ANTXR2: variants seen among roughly 807,000 people sequenced by gnomAD.
The protein encoded by ANTXR2 is ANTXR cell adhesion molecule 2.
ANTXR2 carries 44 observed loss-of-function variants against 73.7 expected under a neutral mutation model. The ratio of observed to expected loss-of-function variants is 0.60; its 90% CI spans 0.47 to 0.77. ANTXR2 has a LOEUF of 0.77. Ranked by LOEUF, ANTXR2 falls within the 30% of genes least tolerant of loss-of-function variation. The pLI is 0.00. For synonymous variants in ANTXR2, 217 were observed against 205.9 expected (o/e 1.05, Z -0.46); for missense variants, 604 against 592.5 (o/e 1.02, Z -0.20).
At chr4:79,937,114 T>C (rs1343818342) in intron 16 of ANTXR2, among the ~76,000 whole-genome samples, 3 of 152,130 alleles carry the variant, frequency 2.0e-5, no homozygotes, top group Admixed American at 6.5e-5. Flanking sequence ...ACTCATAAAC[T>C]TAATTAAGCT....
intron 3 of ANTXR2, 125 bp downstream of exon 3, chr4:80,069,311 G>C (rs2110125081): frequency 1.3e-6 from 1 of 747,146 alleles, no homozygotes; most frequent in East Asian, 2.7e-5. Flanking sequence ...TTCTATTAGA[G>C]AACTGAATTG....
In ANTXR2 at chr4:79,907,400, C is replaced by T. The variant is rs371259027; in HGVS notation, c.*29G>A. On this transcript the variant is annotated 3_prime_UTR_variant, in exon 17 of 17. Coordinates refer to ENST00000403729, the MANE Select transcript of ANTXR2 (RefSeq NM_058172.6). ...CAGCTATGTGAAAATGTGCCATCTTCGTACCTTCTTGGTCTTCCTGCTTCC... is the reference window on the plus strand; with the variant it reads ...CAGCTATGTGAAAATGTGCCATCTTTGTACCTTCTTGGTCTTCCTGCTTCC... The T allele has an allele frequency of 4.0e-5, 65 of 1,607,472 alleles. No individual in the cohort carries two copies. Among genetic ancestry groups the T allele is most frequent in the African/African-American group, 2.4e-4 (18 of 74,512 alleles).
intron 11 of ANTXR2, among the ~76,000 whole-genome samples, 200 bp from the exon 12 acceptor site, chr4:80,008,816 G>A (rs1216064099): frequency 6.6e-6 from 1 of 151,732 alleles, no homozygotes; most frequent in Non-Finnish European, 1.5e-5. Context: ...ATGTTATATT[G>A]TTGTGACAGG....
At chr4:79,908,162 G>A (rs958891411) in intron 16 of ANTXR2, among the ~76,000 whole-genome samples, 3 of 152,140 alleles carry the variant, frequency 2.0e-5, no homozygotes, top group Non-Finnish European at 4.4e-5. Context: ...TTTCCAATTA[G>A]TGATAAAAGA....
In ANTXR2 at chr4:79,976,164, G is replaced by C. The variant is rs529462493; in HGVS notation, c.1428+1457C>G. Among the ~76,000 whole-genome samples the C allele has an allele frequency of 2.0e-5, 3 of 151,864 alleles. No homozygotes were observed. In the South Asian group the frequency reaches 6.3e-4, roughly 32 times the overall value. ...CCTGACCTCGTGATCCGCCCGCCTC[G>C]GCTTCCCAAAGTGCTGGGATTACAG... On this transcript the variant is annotated intron_variant, in intron 16 of 16. Coordinates refer to ENST00000403729, the MANE Select transcript of ANTXR2 (RefSeq NM_058172.6).
rs544663727 is a variant in ANTXR2, at chr4:80,042,991, A to G, written c.637-6959T>C. On this transcript the variant is annotated intron_variant, in intron 7 of 16. Transcript: ENST00000403729. The stretch of plus-strand genomic sequence containing the variant: ...CCGTCTAGGCAAAATAGCTATTGGT[A>G]TACACAATACTATCTGTAAGACTTG... Among the ~76,000 whole-genome samples the G allele has an allele frequency of 5.9e-5, 9 of 152,194 alleles. 1 individual carries two copies. In the South Asian group the frequency reaches 1.9e-3, roughly 32 times the overall value.
chr4:80,069,223 T>C (rs568533482), intron 3 of ANTXR2, among the ~76,000 whole-genome samples: 34 of 152,358 alleles, frequency 2.2e-4, no homozygotes, highest in African/African-American at 8.2e-4. Context: ...TAGATTTCAC[T>C]GCACATTCCA....
At chr4:79,957,555 G>C (rs1412265732) in intron 16 of ANTXR2, among the ~76,000 whole-genome samples, 2 of 152,060 alleles carry the variant, frequency 1.3e-5, no homozygotes, top group South Asian at 2.1e-4. Flanking sequence ...TTAGAGGTAA[G>C]ATATATGTGT....
chr4:80,065,256 G>C (rs1734442074), intron 3 of ANTXR2, among the ~76,000 whole-genome samples: 1 of 152,096 alleles, frequency 6.6e-6, no homozygotes, highest in Non-Finnish European at 1.5e-5. Context: ...TTTTTAATTA[G>C]TCTTGATTCC....
At chr4:79,978,241 G>A in intron 14 of ANTXR2, 67 bp from the exon 15 acceptor site, 1 of 1,463,774 alleles carries the variant, frequency 6.8e-7, no homozygotes, top group Non-Finnish European at 9.3e-7. Context: ...CTCTTATTGA[G>A]CCTATGGTCC....
intron 12 of ANTXR2, 67 bp from the exon 13 acceptor site, chr4:79,984,930 A>C: frequency 1.6e-6 from 2 of 1,257,934 alleles, no homozygotes; most frequent in Non-Finnish European, 2.2e-6. Flanking sequence ...ATGTGTAAAA[A>C]TAATTTGATA....
chr4:79,926,964 T>TGTGTATATATACAC (rs1727825082), intron 16 of ANTXR2, among the ~76,000 whole-genome samples: 3 of 49,214 alleles, frequency 6.1e-5, no homozygotes, highest in South Asian at 9.0e-4. Flanking sequence ...CGTGTGCATA[T>TGTGTATATATACAC]ATGTGTATAT....
At chr4:79,957,897 A>G (rs1487893286) in intron 16 of ANTXR2, among the ~76,000 whole-genome samples, 1 of 152,114 alleles carries the variant, frequency 6.6e-6, no homozygotes, top group African/African-American at 2.4e-5. Flanking sequence ...AAGACTGTTT[A>G]GTCATTTCAA....
At chr4:79,936,181 A>G (rs1388877238) in intron 16 of ANTXR2, among the ~76,000 whole-genome samples, 1 of 152,228 alleles carries the variant, frequency 6.6e-6, no homozygotes, top group Non-Finnish European at 1.5e-5. Context: ...CCACTTTTTA[A>G]AAGGGTTCAG....
At chr4:80,033,810 A>G (rs1732818700) in intron 8 of ANTXR2, among the ~76,000 whole-genome samples, 1 of 152,022 alleles carries the variant, frequency 6.6e-6, no homozygotes, top group African/African-American at 2.4e-5. Flanking sequence ...TATTTTCTAA[A>G]CAAAGTGATT....
At chr4:80,000,599 T>C (rs1248969342) in intron 12 of ANTXR2, among the ~76,000 whole-genome samples, 1 of 152,084 alleles carries the variant, frequency 6.6e-6, no homozygotes, top group Non-Finnish European at 1.5e-5. Context: ...TAAATCATTA[T>C]CTAATTGTAA....
Position 79,901,759 on chromosome 4 carries a change from G to C in ANTXR2, c.*5670C>G, listed in dbSNP as rs998218766. The C allele has an allele frequency of 6.1e-6, 1 of 164,298 alleles. No homozygotes were observed. Among genetic ancestry groups the C allele is most frequent in the Non-Finnish European group, 1.3e-5 (1 of 78,686 alleles). 10.2% of individuals were successfully genotyped at this position (164,298 alleles called of 1,614,324 possible). Reference sequence around the variant, plus strand: ...AGATGGTCCCATCTGGGGGTGGTGGGAGACAACAACAGATCATCAGGTATT... The same window carrying C: ...AGATGGTCCCATCTGGGGGTGGTGGCAGACAACAACAGATCATCAGGTATT... On this transcript the variant is annotated 3_prime_UTR_variant, in exon 17 of 17. Coordinates refer to ENST00000403729, the MANE Select transcript of ANTXR2 (RefSeq NM_058172.6).
At chr4:80,011,212 GTA>G (rs1412391438) in intron 11 of ANTXR2, among the ~76,000 whole-genome samples, 1 of 151,912 alleles carries the variant, frequency 6.6e-6, no homozygotes, top group African/African-American at 2.4e-5. Context: ...TACAGACCTA[GTA>G]TATATATAAG....
intron 16 of ANTXR2, among the ~76,000 whole-genome samples, chr4:79,945,104 C>T (rs542609520): frequency 6.6e-6 from 1 of 152,152 alleles, no homozygotes; most frequent in African/African-American, 2.4e-5. Context: ...GTATGATGTG[C>T]CTTTTCCTTT....
Sources: gnomAD v4.1 joint callset for allele counts (sites outside exome capture counted in the v4.1 genomes callset) on GRCh38, gnomAD v4.1.1 for gene constraint, MANE v1.5 for transcripts, NCBI Gene and HGNC (gene_info 2026-07-23, HGNC 2026-07-21) for gene names.